The following INTS8 variants were observed in gnomAD, a reference collection of about 807,000 sequenced individuals.
INTS8 encodes protein kaonashi-1.
A neutral mutation model predicts 138.9 loss-of-function variants in INTS8; 47 were observed. The observed-to-expected ratio is 0.34, with a 90% CI of 0.27 to 0.43. The LOEUF (loss-of-function observed/expected upper bound fraction) is 0.43, where lower values mean the gene tolerates loss of function less well. Among genes scored for constraint, INTS8 ranks in the 20% least tolerant of loss-of-function variants. INTS8 has a pLI of 1.00. For missense variants in INTS8, 996 were observed against 1,173.0 expected (o/e 0.85, Z 2.20); for synonymous variants, 392 against 400.9 (o/e 0.98, Z 0.27).
intron 26 of INTS8, 29 bp from the exon 27 acceptor site, chr8:94,880,089 C>A: frequency 6.7e-7 from 1 of 1,501,940 alleles, no homozygotes; most frequent in Non-Finnish European, 9.2e-7. Flanking sequence ...TGACACACCT[C>A]TAATAACATC....
intron 10 of INTS8, among the ~76,000 whole-genome samples, chr8:94,847,691 T>A (rs960178688): frequency 6.6e-6 from 1 of 152,162 alleles, no homozygotes; most frequent in Non-Finnish European, 1.5e-5. Flanking sequence ...CCCACTAGTT[T>A]GAGTTTTTCT....
chr8:94,879,295 T>C (rs978030991), intron 26 of INTS8, among the ~76,000 whole-genome samples: 4 of 152,198 alleles, frequency 2.6e-5, no homozygotes, highest in Admixed American at 2.0e-4. Context: ...AGAAGTCTTA[T>C]TGTTTAAAGA....
At chr8:94,870,555 T>C (rs1020470756) in intron 20 of INTS8, among the ~76,000 whole-genome samples, 6 of 152,222 alleles carry the variant, frequency 3.9e-5, no homozygotes, top group South Asian at 2.1e-4. Context: ...GATTGAAGAT[T>C]ACGTTTTTAA....
chr8:94,857,021 C>G (rs1219365009), intron 15 of INTS8, 43 bp downstream of exon 15: 2 of 1,278,342 alleles, frequency 1.6e-6, no homozygotes, highest in South Asian at 2.5e-5. Context: ...ACTCAGTACT[C>G]ACATAATTGT....
At chr8:94,865,149 CT>C (rs1157548010) in intron 16 of INTS8, among the ~76,000 whole-genome samples, 1 of 151,810 alleles carries the variant, frequency 6.6e-6, no homozygotes, top group Non-Finnish European at 1.5e-5. Context: ...TTCCATTACA[CT>C]TTTTTTTCCC....
intron 23 of INTS8, 37 bp downstream of exon 23, chr8:94,874,639 CAT>C: frequency 8.4e-7 from 1 of 1,188,830 alleles, no homozygotes; most frequent in Non-Finnish European, 1.2e-6. Context: ...TTTATTTTTA[CAT>C]ATGTTAGAGT....
chr8:94,845,315 C>T (rs1210070675), intron 10 of INTS8, among the ~76,000 whole-genome samples: 1 of 152,052 alleles, frequency 6.6e-6, no homozygotes, highest in Non-Finnish European at 1.5e-5. Context: ...TTTTTCCCAC[C>T]AATCTCTAGG....
intron 10 of INTS8, among the ~76,000 whole-genome samples, chr8:94,844,017 A>G (rs559618304): frequency 1.7e-3 from 236 of 141,218 alleles, no homozygotes; most frequent in Non-Finnish European, 2.6e-3. Flanking sequence ...TTTTTGAGAT[A>G]GAGTTCTGCT....
Position 94,859,551 on chromosome 8 carries a change from C to G in INTS8, c.1995C>G (p.Ala665=), listed in dbSNP as rs1371721490. ...AAGTTATAGCTGAGGAATGTGTTGC[C>G]TTTATGTTAAACTGGAGAGAAAATG... ...LRQVIAEECV[A]FMLNWRENEY... The change falls in exon 16 of 27, where the codon GCC becomes GCG. Residue 665 remains alanine (A), a synonymous_variant. Transcript: ENST00000523731. The G allele has an allele frequency of 6.2e-7, 1 of 1,613,162 alleles. No individual in the cohort carries two copies. The highest frequency in any genetic ancestry group is 2.2e-5 in the East Asian group (1 of 44,840).
chr8:94,868,529 T>C (rs1345577312), intron 20 of INTS8, among the ~76,000 whole-genome samples: 2 of 152,236 alleles, frequency 1.3e-5, no homozygotes. Context: ...AGCACCATGC[T>C]GCATGAAGCA....
chr8:94,838,971 T>C (rs1815037094), intron 8 of INTS8, among the ~76,000 whole-genome samples: 3 of 152,234 alleles, frequency 2.0e-5, no homozygotes, highest in Non-Finnish European at 2.9e-5. Context: ...TAGTTGTGTG[T>C]GTGTGCATTT....
chr8:94,877,767 T>C (rs1816615283), intron 26 of INTS8, among the ~76,000 whole-genome samples: 1 of 152,188 alleles, frequency 6.6e-6, no homozygotes, highest in African/African-American at 2.4e-5. Context: ...TGTTAGATCT[T>C]ATACTGCAAC....
chr8:94,831,454 T>G (rs1321503428), intron 5 of INTS8, among the ~76,000 whole-genome samples: 1 of 149,324 alleles, frequency 6.7e-6, no homozygotes. Context: ...AAGATACCAG[T>G]CTTTCCTGTT....
intron 10 of INTS8, 133 bp downstream of exon 10, chr8:94,842,621 A>T: frequency 1.6e-6 from 1 of 641,126 alleles, no homozygotes; most frequent in Non-Finnish European, 2.6e-6. Context: ...GGCACTTTTG[A>T]CAGACTATGC....
At chr8:94,850,408 A>C (rs997471955) in intron 12 of INTS8, among the ~76,000 whole-genome samples, 20 of 152,206 alleles carry the variant, frequency 1.3e-4, no homozygotes, top group East Asian at 5.8e-4. Context: ...GTCAGCAGAT[A>C]GAGACCATCC....
At chr8:94,856,591 T>A (rs4735312) in intron 14 of INTS8, among the ~76,000 whole-genome samples, 186 bp from the exon 15 acceptor site, 1 of 152,002 alleles carries the variant, frequency 6.6e-6, no homozygotes, top group Non-Finnish European at 1.5e-5. Context: ...AATTACAAAG[T>A]TATTAAATAT....
intron 10 of INTS8, among the ~76,000 whole-genome samples, chr8:94,847,105 A>G (rs1022447305): frequency 3.3e-5 from 5 of 152,116 alleles, no homozygotes; most frequent in Admixed American, 2.0e-4. Context: ...CAGTGGCGCA[A>G]TCTTGACTCA....
intron 26 of INTS8, among the ~76,000 whole-genome samples, chr8:94,879,419 C>T (rs1365702057): frequency 6.6e-6 from 1 of 151,928 alleles, no homozygotes; most frequent in African/African-American, 2.4e-5. Flanking sequence ...CGTGGTGAAA[C>T]CCCGTCTCTA....
intron 6 of INTS8, among the ~76,000 whole-genome samples, chr8:94,832,614 C>T (rs1814765434): frequency 6.6e-6 from 1 of 152,042 alleles, no homozygotes; most frequent in South Asian, 2.1e-4. Context: ...GTTCCTTTCA[C>T]AGTTTTCAGT....
Sources: allele counts gnomAD v4.1 joint callset (sites outside exome capture counted in the v4.1 genomes callset), GRCh38; gene constraint gnomAD v4.1.1; transcripts MANE v1.5; gene names NCBI Gene and HGNC (gene_info 2026-07-23, HGNC 2026-07-21).